PRKCZ: variants seen among roughly 807,000 people sequenced by gnomAD.
PRKCZ encodes protein kinase C zeta type.
In PRKCZ, 33 loss-of-function variants were observed where a neutral mutation model predicts 79.5. That is an observed-to-expected ratio of 0.41 (90% CI 0.31 to 0.55). The LOEUF (loss-of-function observed/expected upper bound fraction) is 0.55, where lower values mean the gene tolerates loss of function less well. Among genes scored for constraint, PRKCZ ranks in the 20% least tolerant of loss-of-function variants. The probability of loss-of-function intolerance (pLI) is 0.19; values close to 1 mark genes in which losing one functional copy is unlikely to be tolerated. For synonymous variants in PRKCZ, 342 were observed against 320.9 expected, an observed-to-expected ratio of 1.07 and a Z score of -0.70; for missense variants, 578 against 813.5, an observed-to-expected ratio of 0.71 and a Z score of 3.52.
chr1:2,069,748 G>A (rs996292419), intron 4 of PRKCZ, among the ~76,000 whole-genome samples: 10 of 152,190 alleles, frequency 6.6e-5, no homozygotes, highest in Non-Finnish European at 1.3e-4. Flanking sequence ...CTAGATGGCC[G>A]GGCCCATCAT....
chr1:2,082,008 T>C lies in PRKCZ; in HGVS notation c.334+22417T>C, dbSNP rs1215078087. ...GGAAATGTGTTCAGTTCTCTTGCAT[T>C]GCATAATTTGTTCATATTAAAGCAG... On this transcript the variant is annotated intron_variant, in intron 4 of 17. Transcript: ENST00000378567. This position sits in a 1 kb window ranked among gnomAD's most constrained non-coding sequence, Gnocchi z 4.4. Among the ~76,000 whole-genome samples the C allele has an allele frequency of 6.6e-6, 1 of 152,262 alleles. No individual in the cohort carries two copies. Among genetic ancestry groups the C allele is most frequent in the Admixed American group, 6.5e-5 (1 of 15,286 alleles).
intron 7 of PRKCZ, 95 bp downstream of exon 7, chr1:2,146,203 C>A: frequency 2.4e-6 from 3 of 1,259,610 alleles, no homozygotes; most frequent in Non-Finnish European, 3.4e-6. Flanking sequence ...TCAGTCCCAT[C>A]TGCTCTGCAG....
chr1:2,071,807 T>C (rs543410096), intron 4 of PRKCZ, among the ~76,000 whole-genome samples: 24 of 152,292 alleles, frequency 1.6e-4, no homozygotes, highest in Middle Eastern at 3.4e-3. Flanking sequence ...GGTGGTCTTA[T>C]GATTTTATAG....
Position 2,184,563 on chromosome 1 carries a change from TCTC to T in PRKCZ, c.1576-17_1576-15del, listed in dbSNP as rs539390535. 42 of 1,603,676 alleles carry T rather than the reference TCTC, an allele frequency of 2.6e-5. No homozygotes were observed. The highest frequency in any genetic ancestry group is 2.7e-5 in the African/African-American group (2 of 74,726). ...ATGATGCCCGCGCGGAGCTGACCCTTCTCCTATTGTTTTTCCAAGCTGGAGAAG... is the reference window on the plus strand; with the variant it reads ...ATGATGCCCGCGCGGAGCTGACCCTTCTATTGTTTTTCCAAGCTGGAGAAG... On this transcript the variant is annotated splice_polypyrimidine_tract_variant and intron_variant, in intron 16 of 17. Transcript: ENST00000378567.
intron 4 of PRKCZ, among the ~76,000 whole-genome samples, chr1:2,108,001 G>A (rs990441168): frequency 1.3e-5 from 2 of 152,100 alleles, no homozygotes; most frequent in African/African-American, 2.4e-5. Flanking sequence ...CCCCAACCCC[G>A]GCAGTGTCAA....
At chr1:2,078,846 T>TC (rs1187365937) in intron 4 of PRKCZ, among the ~76,000 whole-genome samples, 29 of 138,608 alleles carry the variant, frequency 2.1e-4, no homozygotes, top group African/African-American at 8.2e-4. Flanking sequence ...GAAGGTGGCT[T>TC]TTTTTTTTTT....
rs375333957 is a variant in PRKCZ at position 2,185,020 on chromosome 1, G to A, written c.*11G>A. ...GAGGAGTCGGTGTGAGGCCGCGTGC[G>A]TCTCTGTCGTGGACACGCGTGATTG... On this transcript the variant is annotated 3_prime_UTR_variant, in exon 18 of 18. Transcript: ENST00000378567. 5.2e-5 allele frequency: 84 copies of A among 1,605,646 alleles called. No homozygotes were observed. Among genetic ancestry groups the A allele is most frequent in the Non-Finnish European group, 6.8e-5 (80 of 1,174,616 alleles).
chr1:2,134,542 C>T lies in PRKCZ; in HGVS notation c.335-720C>T, dbSNP rs142710073. Among the ~76,000 whole-genome samples the T allele has an allele frequency of 2.0e-3, 310 of 152,286 alleles. 1 individual carries two copies. Among genetic ancestry groups the T allele is most frequent in the Non-Finnish European group, 3.3e-3 (225 of 68,038 alleles). Reference sequence around the variant, plus strand: ...AGCCGTCTGGTTACAGGCTTGGTGCCGCCTTTCTCATAAGAGGCACAGTCC... The same window carrying T: ...AGCCGTCTGGTTACAGGCTTGGTGCTGCCTTTCTCATAAGAGGCACAGTCC... On this transcript the variant is annotated intron_variant, in intron 4 of 17. Transcript: ENST00000378567.
intron 4 of PRKCZ, among the ~76,000 whole-genome samples, chr1:2,121,330 A>G (rs1671841638): frequency 6.6e-6 from 1 of 152,172 alleles, no homozygotes; most frequent in Admixed American, 6.5e-5. Context: ...CAAGGCGTGT[A>G]CTTCCGGAAT....
intron 4 of PRKCZ, among the ~76,000 whole-genome samples, chr1:2,065,481 G>A (rs779984993): frequency 9.2e-5 from 14 of 151,972 alleles, no homozygotes; most frequent in Non-Finnish European, 1.3e-4. Flanking sequence ...GATCGAGATC[G>A]TCCTGGTTAA....
chr1:2,136,583 C>T (rs993870109), intron 5 of PRKCZ, among the ~76,000 whole-genome samples: 1 of 152,048 alleles, frequency 6.6e-6, no homozygotes, highest in Non-Finnish European at 1.5e-5. Context: ...TTGGGGACAC[C>T]AGGAAATGGG....
chr1:2,113,806 CAGGT>C (rs1477271802), intron 4 of PRKCZ, among the ~76,000 whole-genome samples: 1 of 151,910 alleles, frequency 6.6e-6, no homozygotes, highest in Non-Finnish European at 1.5e-5. Context: ...CCAGGGATGG[CAGGT>C]GGGTGGTGTG....
In PRKCZ at chr1:2,172,076, C is replaced by T. The variant is rs1684553042; in HGVS notation, c.1083C>T (p.Cys361=). ...EHARFYAAEI[C]IALNFLHERG... is the part of the protein sequence containing the mutation. ...CCAGGTTCTACGCGGCCGAGATCTG[C>T]ATCGCCCTCAACTTCCTGCACGAGA... Residue 361 remains cysteine (C), a synonymous_variant, in exon 12 of 18, where the codon TGC becomes TGT. Coordinates refer to ENST00000378567, the MANE Select transcript of PRKCZ (RefSeq NM_002744.6). The surrounding 1 kb of genome is among the most constrained non-coding windows in gnomAD (Gnocchi z 7.8). 6.2e-7 allele frequency: 1 copy of T among 1,611,720 alleles called. No individual in the cohort carries two copies.
At chr1:2,146,003 G>C in intron 6 of PRKCZ, 24 bp from the exon 7 acceptor site, 1 of 1,588,482 alleles carries the variant, frequency 6.3e-7, no homozygotes, top group Non-Finnish European at 8.6e-7. Flanking sequence ...TGGTCATGCT[G>C]CCATCTCTGT....
intron 9 of PRKCZ, among the ~76,000 whole-genome samples, chr1:2,152,601 G>A (rs1355537455): frequency 6.6e-6 from 1 of 152,206 alleles, no homozygotes; most frequent in African/African-American, 2.4e-5. Flanking sequence ...ATACAGAGTT[G>A]AGCAGCTATC....
chr1:2,184,563 T>G lies in PRKCZ; in HGVS notation c.1576-20T>G. 1 of 1,603,676 alleles carries G rather than the reference T, an allele frequency of 6.2e-7. No homozygotes were observed. The highest frequency in any genetic ancestry group is 8.5e-7 in the Non-Finnish European group (1 of 1,171,762). On this transcript the variant is annotated intron_variant, in intron 16 of 17. Transcript: ENST00000378567. ...ATGATGCCCGCGCGGAGCTGACCCT[T>G]CTCCTATTGTTTTTCCAAGCTGGAG... is the stretch of plus-strand genomic sequence containing the variant.
At chr1:2,077,967 T>C (rs1447951196) in intron 4 of PRKCZ, among the ~76,000 whole-genome samples, 1 of 152,262 alleles carries the variant, frequency 6.6e-6, no homozygotes, top group Non-Finnish European at 1.5e-5. Flanking sequence ...GGCACAACTT[T>C]TGGGTTTCCT....
intron 4 of PRKCZ, chr1:2,104,590 G>C: frequency 1.4e-6 from 1 of 730,656 alleles, no homozygotes; most frequent in Non-Finnish European, 1.7e-6. Flanking sequence ...ACAATCCCAG[G>C]TGGCAGGGGA....
chr1:2,066,458 T>G (rs933104088), intron 4 of PRKCZ, among the ~76,000 whole-genome samples: 3 of 152,200 alleles, frequency 2.0e-5, no homozygotes, highest in Admixed American at 6.5e-5. Context: ...TTCTCCTGCC[T>G]CAGCCTCCTG....
Sources: gnomAD v4.1 joint callset for allele counts (sites outside exome capture counted in the v4.1 genomes callset) on GRCh38, gnomAD v4.1.1 for gene constraint, Gnocchi (gnomAD v3.1) non-coding constraint, MANE v1.5 for transcripts, NCBI Gene and HGNC (gene_info 2026-07-23, HGNC 2026-07-21) for gene names.